The following PHF21A variants were observed in gnomAD, a reference collection of about 807,000 sequenced individuals.
The protein encoded by PHF21A is BHC80a.
In PHF21A, 11 loss-of-function variants were observed where a neutral mutation model predicts 82.5. The observed-to-expected ratio is 0.13, with a 90% CI of 0.08 to 0.22. The LOEUF (loss-of-function observed/expected upper bound fraction) is 0.22, where lower values mean the gene tolerates loss of function less well. Among genes scored for constraint, PHF21A ranks in the 10% least tolerant of loss-of-function variants. The pLI is 1.00. For synonymous variants in PHF21A, 297 were observed against 302.8 expected (o/e 0.98, Z 0.20); for missense variants, 579 against 837.8 (o/e 0.69, Z 3.81).
chr11:46,012,246 G>C (rs1239935257), intron 6 of PHF21A, among the ~76,000 whole-genome samples: 3 of 151,998 alleles, frequency 2.0e-5, no homozygotes, highest in Non-Finnish European at 4.4e-5. Flanking sequence ...TGACCTCTTT[G>C]TGCAGCTGCA....
At chr11:46,074,465 G>C (rs531558125) in intron 6 of PHF21A, among the ~76,000 whole-genome samples, 1 of 151,736 alleles carries the variant, frequency 6.6e-6, no homozygotes, top group South Asian at 2.1e-4. Context: ...TGGCGGGAGG[G>C]GGGAAGGCAT....
intron 6 of PHF21A, among the ~76,000 whole-genome samples, chr11:46,023,605 T>C (rs2137956059): frequency 6.6e-6 from 1 of 152,340 alleles, no homozygotes; most frequent in East Asian, 1.9e-4. Context: ...TTAAACACAC[T>C]TAAATAGATT....
chr11:45,983,571 T>C (rs1360280619), intron 6 of PHF21A, among the ~76,000 whole-genome samples: 2 of 152,156 alleles, frequency 1.3e-5, no homozygotes, highest in Admixed American at 6.5e-5. Context: ...TGACTGCACT[T>C]AGAAACCAGT....
chr11:45,955,909 T>C (rs921521194), intron 10 of PHF21A, among the ~76,000 whole-genome samples: 1 of 152,172 alleles, frequency 6.6e-6, no homozygotes, highest in African/African-American at 2.4e-5. Context: ...TATTAAGCTG[T>C]AGCACAGCCT....
Position 45,930,974 on chromosome 11 carries a change from T to C in PHF21A, c.*2994A>G, listed in dbSNP as rs2134854141. 7.1e-6 allele frequency: 1 copy of C among 140,784 alleles called. No homozygotes were observed. Among genetic ancestry groups the C allele is most frequent in the East Asian group, 2.4e-4 (1 of 4,082 alleles). 8.7% of individuals were successfully genotyped at this position (140,784 alleles called of 1,614,324 possible). A position where few individuals can be genotyped will look rare whatever the true frequency, so the allele number is the denominator to read the frequency against. On this transcript the variant is annotated 3_prime_UTR_variant, in exon 19 of 19. Transcript: ENST00000676320. ...AGGGAGATTGGGTGCCAGGGGCCTC[T>C]TCTTTACAGTAAAGCAGTGTTTTGG...
chr11:46,005,000 A>T (rs966473236), intron 6 of PHF21A, among the ~76,000 whole-genome samples: 2 of 152,150 alleles, frequency 1.3e-5, no homozygotes, highest in African/African-American at 4.8e-5. Context: ...GTCTCTGAAT[A>T]TGGAAAATGA....
intron 1 of PHF21A, among the ~76,000 whole-genome samples, chr11:46,098,419 C>G (rs2097033982): frequency 6.6e-6 from 1 of 152,108 alleles, no homozygotes. Flanking sequence ...GAATAAAAAA[C>G]AAAACAATTT....
intron 6 of PHF21A, among the ~76,000 whole-genome samples, chr11:45,988,516 A>G (rs551228687): frequency 1.3e-5 from 2 of 152,356 alleles, no homozygotes; most frequent in African/African-American, 4.8e-5. Context: ...CATTCTTAAT[A>G]TCACACTCTT....
intron 7 of PHF21A, among the ~76,000 whole-genome samples, 187 bp downstream of exon 7, chr11:45,979,573 T>C (rs536531008): frequency 1.3e-5 from 2 of 152,388 alleles, no homozygotes; most frequent in East Asian, 3.8e-4. Context: ...TTCTTAGTAA[T>C]GTTATTTCCT....
At chr11:46,049,313 C>T (rs1486477948) in intron 6 of PHF21A, 1 of 386,840 alleles carries the variant, frequency 2.6e-6, no homozygotes, top group East Asian at 7.7e-5. Flanking sequence ...TCTGAGTCTC[C>T]ATAATTGCTG....
intron 6 of PHF21A, among the ~76,000 whole-genome samples, chr11:45,995,520 GT>G (rs1429597445): frequency 5.3e-5 from 8 of 152,186 alleles, no homozygotes; most frequent in Admixed American, 2.0e-4. Flanking sequence ...CAGAGCACTT[GT>G]CACTCTTGGT....
At chr11:46,076,928 T>C (rs543748216) in intron 5 of PHF21A, 109 bp from the exon 6 acceptor site, 15 of 819,342 alleles carry the variant, frequency 1.8e-5, no homozygotes, top group African/African-American at 1.5e-4. Flanking sequence ...ACCCGAAGCA[T>C]TTAGCCAATC....
intron 6 of PHF21A, among the ~76,000 whole-genome samples, chr11:46,052,309 G>GAA (rs2096380424): frequency 1.3e-5 from 2 of 152,220 alleles, no homozygotes; most frequent in Admixed American, 6.5e-5. Flanking sequence ...AAAAGAGGGA[G>GAA]AAAGTGTCCT....
At chr11:46,062,138 T>G (rs1357085077) in intron 6 of PHF21A, among the ~76,000 whole-genome samples, 1 of 152,116 alleles carries the variant, frequency 6.6e-6, no homozygotes, top group Non-Finnish European at 1.5e-5. Context: ...TTTATTCTTG[T>G]TTTGCTAAAG....
chr11:46,038,778 C>T (rs2096067689), intron 6 of PHF21A, among the ~76,000 whole-genome samples: 1 of 152,102 alleles, frequency 6.6e-6, no homozygotes, highest in South Asian at 2.1e-4. Flanking sequence ...CCACTAGTTC[C>T]ACTCCCATGA....
At chr11:46,038,372 C>G (rs1308194190) in intron 6 of PHF21A, among the ~76,000 whole-genome samples, 1 of 152,136 alleles carries the variant, frequency 6.6e-6, no homozygotes, top group African/African-American at 2.4e-5. Context: ...AAGTGATCCA[C>G]CCGCCTCAGC....
At chr11:46,112,903 T>C (rs962125777) in intron 1 of PHF21A, among the ~76,000 whole-genome samples, 26 of 152,222 alleles carry the variant, frequency 1.7e-4, no homozygotes, top group Admixed American at 3.9e-4. Flanking sequence ...AAGTTTTCAA[T>C]ATATTATTTT....
chr11:46,092,003 T>C (rs2096930714), intron 2 of PHF21A, among the ~76,000 whole-genome samples, 180 bp downstream of exon 2: 1 of 151,766 alleles, frequency 6.6e-6, no homozygotes, highest in South Asian at 2.1e-4. Flanking sequence ...GAAACACAAA[T>C]GCGTTTGAAG....
Position 46,084,234 on chromosome 11 carries a change from A to T in PHF21A, c.-15T>A. On this transcript the variant is annotated 5_prime_UTR_variant, in exon 4 of 19. Transcript: ENST00000676320. ...TGCAACTCCATCCTCTACCTTCTCC[A>T]CTTTCTCTGCTAATTCTATAGTTTC... 1 of 1,590,810 alleles carries T rather than the reference A, an allele frequency of 6.3e-7. No homozygotes were observed. The highest frequency in any genetic ancestry group is 1.8e-5 in the Admixed American group (1 of 55,040).
Sources: allele counts gnomAD v4.1 joint callset (sites outside exome capture counted in the v4.1 genomes callset), GRCh38; gene constraint gnomAD v4.1.1; transcripts MANE v1.5; gene names NCBI Gene and HGNC (gene_info 2026-07-23, HGNC 2026-07-21).